Variants in XKR6 observed in about 807,000 individuals in gnomAD.
The protein encoded by XKR6 is XK-related protein 6.
Under a neutral mutation model 56.7 loss-of-function variants are expected in XKR6, and 22 were observed. That is an observed-to-expected ratio of 0.39 (90% confidence interval 0.28 to 0.55). XKR6 has a LOEUF of 0.55. Ranked by LOEUF, XKR6 falls within the 20% of genes least tolerant of loss-of-function variation. The pLI, the probability that XKR6 is intolerant of heterozygous loss-of-function variation, is 0.66. For synonymous variants in XKR6, 524 were observed against 387.8 expected, an observed-to-expected ratio of 1.35 and a Z score of -4.13; for missense variants, 852 against 889.0, an observed-to-expected ratio of 0.96 and a Z score of 0.53.
intron 1 of XKR6, among the ~76,000 whole-genome samples, chr8:10,981,325 C>T (rs529860533): frequency 3.9e-5 from 6 of 152,128 alleles, no homozygotes; most frequent in Admixed American, 1.3e-4. Context: ...CATGTGTTTT[C>T]GGATGCACTG....
At chr8:11,180,078 G>C (rs1802889075) in intron 1 of XKR6, among the ~76,000 whole-genome samples, 2 of 152,140 alleles carry the variant, frequency 1.3e-5, no homozygotes, top group African/African-American at 4.8e-5. Context: ...GGTTGAGGTT[G>C]CAGTGAGCTA....
chr8:10,944,793 A>T (rs1801487215), intron 1 of XKR6, among the ~76,000 whole-genome samples: 1 of 152,182 alleles, frequency 6.6e-6, no homozygotes, highest in African/African-American at 2.4e-5. Flanking sequence ...CCCAGCTGCC[A>T]ACCCAGCCCC....
At chr8:11,193,672 C>A (rs1292855336) in intron 1 of XKR6, among the ~76,000 whole-genome samples, 3 of 151,132 alleles carry the variant, frequency 2.0e-5, no homozygotes, top group Non-Finnish European at 4.4e-5. Flanking sequence ...TTTACAAACA[C>A]TAACTTTTCA....
intron 1 of XKR6, among the ~76,000 whole-genome samples, chr8:11,113,119 C>A (rs975172418): frequency 1.1e-4 from 16 of 152,240 alleles, no homozygotes; most frequent in African/African-American, 3.6e-4. Context: ...AATGACTGCA[C>A]AATTTAGGCT....
chr8:10,967,889 CAGG>C (rs762703298), intron 1 of XKR6, among the ~76,000 whole-genome samples: 1 of 152,182 alleles, frequency 6.6e-6, no homozygotes, highest in Non-Finnish European at 1.5e-5. Flanking sequence ...CGCTAGAGAG[CAGG>C]AGGACAGTTT....
At chr8:11,046,913 A>C (rs957409157) in intron 1 of XKR6, among the ~76,000 whole-genome samples, 4 of 152,186 alleles carry the variant, frequency 2.6e-5, no homozygotes, top group African/African-American at 7.2e-5. Flanking sequence ...CAAATACTAC[A>C]TGATCTCGCT....
In XKR6 at chr8:11,005,022, G is replaced by A. The variant is rs148689122; in HGVS notation, c.765-80192C>T. Among the ~76,000 whole-genome samples the A allele has an allele frequency of 6.6e-5, 10 of 152,112 alleles. 1 individual carries two copies. Among genetic ancestry groups the A allele is most frequent in the African/African-American group, 1.9e-4 (8 of 41,424 alleles). On this transcript the variant is annotated intron_variant, in intron 1 of 2. Transcript: ENST00000416569. ...GGAACAGAAAGTAGAACAGAATGTGGTACAGTCCCTCTGCAACCTTATCCA... is the reference window on the plus strand; with the variant it reads ...GGAACAGAAAGTAGAACAGAATGTGATACAGTCCCTCTGCAACCTTATCCA...
chr8:11,086,133 A>ATATAT (rs1797879505), intron 1 of XKR6, among the ~76,000 whole-genome samples: 2 of 90,068 alleles, frequency 2.2e-5, no homozygotes, highest in Admixed American at 9.1e-5. Flanking sequence ...TTAAAAAGAA[A>ATATAT]ATATATATAT....
chr8:11,064,080 T>C (rs1799917177), intron 1 of XKR6, among the ~76,000 whole-genome samples: 1 of 152,186 alleles, frequency 6.6e-6, no homozygotes, highest in Non-Finnish European at 1.5e-5. Flanking sequence ...GTTCTCTCTC[T>C]TTCATGTATC....
chr8:10,970,665 C>T (rs896779835), intron 1 of XKR6, among the ~76,000 whole-genome samples: 3 of 152,084 alleles, frequency 2.0e-5, no homozygotes, highest in African/African-American at 7.2e-5. Flanking sequence ...ATTGTTAATT[C>T]ATTAAGCATT....
Position 10,942,665 on chromosome 8 carries a change from C to G in XKR6, c.765-17835G>C, listed in dbSNP as rs117538701. ...AGATCCAGGTGTTCCAAATTCAGCG[C>G]CACGCTGCCCCCATTATTGAGAACA... On this transcript the variant is annotated intron_variant, in intron 1 of 2. Coordinates refer to ENST00000416569, the MANE Select transcript of XKR6 (RefSeq NM_173683.4). Among the ~76,000 whole-genome samples the G allele has an allele frequency of 2.9e-3, 439 of 152,326 alleles. 1 individual carries two copies. The highest frequency in any genetic ancestry group is 5.3e-3 in the Non-Finnish European group (359 of 68,030).
Position 11,201,198 on chromosome 8 carries a change from G to C in XKR6, c.142C>G (p.Pro48Ala). The C allele has an allele frequency of 6.5e-7, 1 of 1,529,702 alleles. No homozygotes were observed. Among genetic ancestry groups the C allele is most frequent in the Non-Finnish European group, 8.7e-7 (1 of 1,144,896 alleles). The allele number at this position is 1,529,702 out of a possible 1,614,324, so 94.8% of individuals were successfully genotyped here. A position where few individuals can be genotyped will look rare whatever the true frequency, so the allele number is the denominator to read the frequency against. The change falls in exon 1 of 3, where the codon CCC becomes GCC. Residue 48 changes from proline (P) to alanine (A), a missense_variant. Physicochemically the swap from Pro to Ala is conservative, Grantham distance 27 (BLOSUM62 -1). Coordinates refer to ENST00000416569, the MANE Select transcript of XKR6 (RefSeq NM_173683.4). Reference protein sequence around the residue: ...GCGGGGDGSEPGESSSMHICH... With the variant: ...GCGGGGDGSEAGESSSMHICH... ...ATGTGCATCGAGCTGCTCTCGCCGG[G>C]CTCGCTGCCGTCGCCGCCGCCGCCG... is the stretch of plus-strand genomic sequence containing the variant.
At chr8:11,043,774 A>G (rs1799342879) in intron 1 of XKR6, among the ~76,000 whole-genome samples, 1 of 152,230 alleles carries the variant, frequency 6.6e-6, no homozygotes, top group Non-Finnish European at 1.5e-5. Context: ...CTCATTATAC[A>G]TACTCCCGTT....
At chr8:11,136,773 A>C (rs891336610) in intron 1 of XKR6, 3 of 152,224 alleles carry the variant, frequency 2.0e-5, no homozygotes, top group Non-Finnish European at 4.4e-5. Flanking sequence ...CCTCAGAACC[A>C]GAAGGAATAC....
At chr8:11,162,811 G>A (rs768623011) in intron 1 of XKR6, among the ~76,000 whole-genome samples, 17 of 152,220 alleles carry the variant, frequency 1.1e-4, no homozygotes, top group Non-Finnish European at 2.2e-4. Flanking sequence ...AAGCCGAAGT[G>A]TTTCAATTTA....
chr8:10,932,025 G>T (rs2129120313), intron 1 of XKR6, among the ~76,000 whole-genome samples: 1 of 152,166 alleles, frequency 6.6e-6, no homozygotes, highest in African/African-American at 2.4e-5. Context: ...TTTTAAATGG[G>T]CACAAGATTT....
At chr8:11,150,227 A>G (rs972891087) in intron 1 of XKR6, among the ~76,000 whole-genome samples, 1 of 152,206 alleles carries the variant, frequency 6.6e-6, no homozygotes, top group African/African-American at 2.4e-5. Context: ...GCTACAAGAC[A>G]ACTCAAAATG....
rs1248174981 is a variant in XKR6, at chr8:11,200,077, T to C, written c.764+499A>G. Among the ~76,000 whole-genome samples the C allele has an allele frequency of 6.6e-6, 1 of 152,020 alleles. No homozygotes were observed. The highest frequency in any genetic ancestry group is 1.5e-5 in the Non-Finnish European group (1 of 68,008). On this transcript the variant is annotated intron_variant, in intron 1 of 2. Coordinates refer to ENST00000416569, the MANE Select transcript of XKR6 (RefSeq NM_173683.4). The surrounding 1 kb of genome is among the most constrained non-coding windows in gnomAD (Gnocchi z 6.4). ...GAAGGGGCGTGGAATCCAGGAGTGC[T>C]CGGAGGCGGCAGCAAGGGTTTTTCC...
Position 10,971,794 on chromosome 8 carries a change from C to T in XKR6, c.765-46964G>A, listed in dbSNP as rs375973524. ...AGGGGACGCTGGCCACCCACCACCT[C>T]GTCCTCTTGCTCAGATCTTGGGCCA... On this transcript the variant is annotated intron_variant, in intron 1 of 2. Transcript: ENST00000416569. 5.3e-5 allele frequency among the ~76,000 whole-genome samples: 8 copies of T among 152,334 alleles called. No individual in the cohort carries two copies. In the East Asian group the frequency reaches 5.8e-4, roughly 11 times the overall value.
Sources: gnomAD v4.1 joint callset for allele counts (sites outside exome capture counted in the v4.1 genomes callset) on GRCh38, gnomAD v4.1.1 for gene constraint, Gnocchi (gnomAD v3.1) non-coding constraint, MANE v1.5 for transcripts, NCBI Gene and HGNC (gene_info 2026-07-23, HGNC 2026-07-21) for gene names.